Variants in UMAD1 observed in about 807,000 individuals in gnomAD.
UMAD1 encodes the protein UBAP1-MVB12-associated (UMA)-domain containing protein 1.
A neutral mutation model predicts 6.1 loss-of-function variants in UMAD1; 8 were observed. That is an observed-to-expected ratio of 1.30 (90% CI 0.76 to 2.35). The LOEUF (loss-of-function observed/expected upper bound fraction) is 2.35. Among genes scored for constraint, UMAD1 ranks in the 30% most tolerant of loss-of-function variants. The pLI, the probability that UMAD1 is intolerant of heterozygous loss-of-function variation, is 0.00. For missense variants in UMAD1, 130 were observed against 78.4 expected (o/e 1.66, Z -2.49); for synonymous variants, 56 against 31.4 (o/e 1.78, Z -2.61).
chr7:7,864,825 C>T (rs907721598), intron 3 of UMAD1, among the ~76,000 whole-genome samples: 1 of 152,028 alleles, frequency 6.6e-6, no homozygotes. Context: ...AGGGTTGGAA[C>T]CATCAGACCC....
At chr7:7,787,842 T>G (rs549184331) in intron 2 of UMAD1, among the ~76,000 whole-genome samples, 3 of 151,294 alleles carry the variant, frequency 2.0e-5, no homozygotes, top group African/African-American at 7.3e-5. Flanking sequence ...AGATCTCTCC[T>G]TAAGCCTTTT....
chr7:7,764,687 AT>A (rs1253250817), intron 2 of UMAD1, among the ~76,000 whole-genome samples: 1 of 152,208 alleles, frequency 6.6e-6, no homozygotes, highest in African/African-American at 2.4e-5. Context: ...ATGAGGTCAT[AT>A]TTTTAATGTT....
intron 2 of UMAD1, among the ~76,000 whole-genome samples, chr7:7,800,418 A>G (rs981340676): frequency 6.6e-6 from 1 of 152,248 alleles, no homozygotes; most frequent in African/African-American, 2.4e-5. Flanking sequence ...ACAGGCTTAT[A>G]AATATTTTTT....
intron 2 of UMAD1, among the ~76,000 whole-genome samples, chr7:7,763,536 T>C (rs749902517): frequency 4.6e-5 from 7 of 152,206 alleles, no homozygotes; most frequent in Non-Finnish European, 8.8e-5. Flanking sequence ...TTTCCAGTCA[T>C]TGGAGTAACA....
intron 1 of UMAD1, among the ~76,000 whole-genome samples, chr7:7,669,788 T>A (rs1779560236): frequency 6.6e-6 from 1 of 152,210 alleles, no homozygotes; most frequent in Admixed American, 6.5e-5. Flanking sequence ...ATTTCGGAAC[T>A]GTCTGAAATT....
At chr7:7,779,300 ATAGT>A (rs914177206) in intron 2 of UMAD1, among the ~76,000 whole-genome samples, 4 of 151,856 alleles carry the variant, frequency 2.6e-5, no homozygotes, top group African/African-American at 9.7e-5. Context: ...TTAAAAAGAG[ATAGT>A]CTAGCTCTGT....
intron 2 of UMAD1, among the ~76,000 whole-genome samples, chr7:7,776,780 A>C (rs1332269514): frequency 1.3e-5 from 2 of 152,214 alleles, no homozygotes; most frequent in African/African-American, 2.4e-5. Flanking sequence ...CACCCTATCT[A>C]AATGTTCAAA....
intron 2 of UMAD1, among the ~76,000 whole-genome samples, chr7:7,704,700 G>C (rs534791065): frequency 4.1e-5 from 6 of 145,190 alleles, no homozygotes; most frequent in African/African-American, 1.5e-4. Context: ...CCAGGGGGTG[G>C]AGGTTGCAGT....
intron 3 of UMAD1, among the ~76,000 whole-genome samples, chr7:7,829,139 A>T (rs998754105): frequency 2.6e-5 from 4 of 152,176 alleles, no homozygotes; most frequent in African/African-American, 9.6e-5. Flanking sequence ...ATTAATAAGG[A>T]CTTGGCCTTG....
At chr7:7,834,016 CTTTTT>C (rs4034895) in intron 3 of UMAD1, among the ~76,000 whole-genome samples, 2,175 of 110,270 alleles carry the variant, frequency 0.02, 37 homozygotes, top group African/African-American at 0.069. Context: ...TTTTTCTTTT[CTTTTT>C]TTTTTTTTTT....
At chr7:7,758,930 G>A (rs888024761) in intron 2 of UMAD1, among the ~76,000 whole-genome samples, 2 of 152,078 alleles carry the variant, frequency 1.3e-5, no homozygotes, top group Non-Finnish European at 2.9e-5. Flanking sequence ...TGTAGCTTTG[G>A]TTTTGTTGTG....
chr7:7,715,585 A>G (rs928430784), intron 2 of UMAD1, among the ~76,000 whole-genome samples: 1 of 152,164 alleles, frequency 6.6e-6, no homozygotes, highest in South Asian at 2.1e-4. Flanking sequence ...TACAAAGAAG[A>G]GCTCTGTTTT....
chr7:7,826,284 A>G (rs929984047), intron 3 of UMAD1, among the ~76,000 whole-genome samples: 11 of 152,150 alleles, frequency 7.2e-5, no homozygotes, highest in African/African-American at 1.9e-4. Flanking sequence ...CCATGATACT[A>G]ACAGTTTCCT....
intron 2 of UMAD1, among the ~76,000 whole-genome samples, chr7:7,778,273 T>TGAGAGA (rs1193832166): frequency 1.2e-4 from 11 of 94,862 alleles, no homozygotes; most frequent in East Asian, 3.3e-4. Context: ...TGTGTGTGTG[T>TGAGAGA]GTGAGAGAGA....
intron 3 of UMAD1, among the ~76,000 whole-genome samples, chr7:7,837,598 A>C (rs1783594942): frequency 6.6e-6 from 1 of 152,122 alleles, no homozygotes; most frequent in Non-Finnish European, 1.5e-5. Context: ...GAAATAGTAT[A>C]ACTCTAAACT....
At chr7:7,804,284 T>C (rs1782862482) in intron 3 of UMAD1, among the ~76,000 whole-genome samples, 1 of 152,360 alleles carries the variant, frequency 6.6e-6, no homozygotes, top group East Asian at 1.9e-4. Flanking sequence ...AAAATACTTC[T>C]AGAGGCTATA....
rs536122553 is a variant in UMAD1 at position 7,796,322 on chromosome 7, G to C, written c.83-5348G>C. ...GCTGGAGTGCAATGGCATAATCTCG[G>C]CTCACCACAACCTCCGCCTCCCAGG... On this transcript the variant is annotated intron_variant, in intron 2 of 3. Coordinates refer to ENST00000682710, the MANE Select transcript of UMAD1 (RefSeq NM_001302348.2). 6.1e-5 allele frequency among the ~76,000 whole-genome samples: 8 copies of C among 130,878 alleles called. No homozygotes were observed. In the South Asian group the frequency reaches 1.9e-3, roughly 31 times the overall value. 85.9% of individuals were successfully genotyped at this position (130,878 alleles called of 152,430 possible). A position where few individuals can be genotyped will look rare whatever the true frequency, so the allele number is the denominator to read the frequency against.
chr7:7,773,994 C>T (rs1782152579), intron 2 of UMAD1, among the ~76,000 whole-genome samples: 1 of 152,210 alleles, frequency 6.6e-6, no homozygotes, highest in South Asian at 2.1e-4. Context: ...TCTTTTGTCT[C>T]TCCTCACCAC....
At chr7:7,819,637 A>G (rs930648808) in intron 3 of UMAD1, among the ~76,000 whole-genome samples, 4 of 152,224 alleles carry the variant, frequency 2.6e-5, no homozygotes, top group Non-Finnish European at 5.9e-5. Context: ...GCTTTCAACA[A>G]AAATAGTTTT....
Sources: gnomAD v4.1 joint callset for allele counts (sites outside exome capture counted in the v4.1 genomes callset) on GRCh38, gnomAD v4.1.1 for gene constraint, MANE v1.5 for transcripts, NCBI Gene and HGNC (gene_info 2026-07-23, HGNC 2026-07-21) for gene names.